Variants in LDAH observed in about 807,000 individuals in gnomAD.
LDAH encodes the protein lipid droplet-associated hydrolase.
A neutral mutation model predicts 29.6 loss-of-function variants in LDAH; 26 were observed. The observed-to-expected ratio is 0.88, with a 90% CI of 0.64 to 1.22. The LOEUF is 1.22. Among genes scored for constraint, LDAH ranks in the 50% most tolerant of loss-of-function variants. The probability of loss-of-function intolerance (pLI) is 0.00; values close to 1 mark genes in which losing one functional copy is unlikely to be tolerated. For synonymous variants in LDAH, 117 were observed against 133.0 expected, an observed-to-expected ratio of 0.88 and a Z score of 0.83; for missense variants, 344 against 387.3, an observed-to-expected ratio of 0.89 and a Z score of 0.94.
At chr2:20,779,171 C>T (rs1670014092) in intron 3 of LDAH, among the ~76,000 whole-genome samples, 1 of 152,116 alleles carries the variant, frequency 6.6e-6, no homozygotes, top group South Asian at 2.1e-4. Context: ...ATCTTAATAA[C>T]TAAACAACTT....
intron 3 of LDAH, among the ~76,000 whole-genome samples, chr2:20,788,103 T>C (rs1670684851): frequency 1.3e-5 from 2 of 152,216 alleles, no homozygotes; most frequent in Non-Finnish European, 2.9e-5. Context: ...TTTTCCATAC[T>C]AAATTGTTTA....
intron 3 of LDAH, among the ~76,000 whole-genome samples, chr2:20,776,699 A>G (rs1454743162): frequency 6.6e-6 from 1 of 152,134 alleles, no homozygotes; most frequent in Non-Finnish European, 1.5e-5. Context: ...CCACCTTTTT[A>G]TGCATGAAAT....
At chr2:20,808,446 G>A (rs544555897) in intron 1 of LDAH, among the ~76,000 whole-genome samples, 1 of 152,028 alleles carries the variant, frequency 6.6e-6, no homozygotes. Context: ...GGCGGATCAC[G>A]AGGTCAGAAG....
chr2:20,767,421 G>T (rs1003830401), intron 4 of LDAH, among the ~76,000 whole-genome samples: 4 of 152,236 alleles, frequency 2.6e-5, no homozygotes, highest in Non-Finnish European at 5.9e-5. Context: ...GCCCGGCTGG[G>T]TGTGCACACA....
intron 1 of LDAH, among the ~76,000 whole-genome samples, chr2:20,803,271 C>A (rs1489475970): frequency 6.6e-6 from 1 of 152,180 alleles, no homozygotes; most frequent in Non-Finnish European, 1.5e-5. Context: ...TCTCCAGCAT[C>A]TGGCTAGCGG....
intron 5 of LDAH, among the ~76,000 whole-genome samples, chr2:20,731,923 T>C (rs1252657296): frequency 1.3e-5 from 2 of 152,030 alleles, no homozygotes; most frequent in African/African-American, 4.8e-5. Flanking sequence ...TCCTTGGGAT[T>C]TTCTCTACAG....
intron 1 of LDAH, among the ~76,000 whole-genome samples, chr2:20,807,874 T>C (rs1211452798): frequency 6.6e-6 from 1 of 151,264 alleles, no homozygotes; most frequent in Non-Finnish European, 1.5e-5. Context: ...TATAAATATA[T>C]TTAGATTGGA....
At chr2:20,822,000 A>G (rs1673348475) in intron 1 of LDAH, among the ~76,000 whole-genome samples, 1 of 152,212 alleles carries the variant, frequency 6.6e-6, no homozygotes. Flanking sequence ...TAGTTTCAGA[A>G]AGAAGTTTAA....
intron 3 of LDAH, among the ~76,000 whole-genome samples, chr2:20,779,705 T>C (rs1670055249): frequency 6.6e-6 from 1 of 152,130 alleles, no homozygotes; most frequent in African/African-American, 2.4e-5. Context: ...TTTATGTAAA[T>C]ATGGCAATGT....
intron 4 of LDAH, among the ~76,000 whole-genome samples, chr2:20,755,378 T>A (rs1169487805): frequency 6.6e-6 from 1 of 152,238 alleles, no homozygotes; most frequent in Non-Finnish European, 1.5e-5. Context: ...CTTGCTCCAC[T>A]CTTTATATCA....
chr2:20,701,869 T>C (rs563761524), intron 5 of LDAH, among the ~76,000 whole-genome samples: 1 of 152,342 alleles, frequency 6.6e-6, no homozygotes, highest in Admixed American at 6.5e-5. Context: ...TCCAACCTCA[T>C]CTGGCTTCTC....
chr2:20,822,202 G>A (rs777507992), intron 1 of LDAH, among the ~76,000 whole-genome samples: 3 of 151,618 alleles, frequency 2.0e-5, no homozygotes, highest in Middle Eastern at 3.2e-3. Context: ...TCGGCTCACT[G>A]CAAGCTCCAC....
intron 5 of LDAH, among the ~76,000 whole-genome samples, chr2:20,733,905 T>C (rs1204667212): frequency 6.6e-6 from 1 of 152,212 alleles, no homozygotes; most frequent in African/African-American, 2.4e-5. Context: ...TTTAGAAGTG[T>C]GCGGTTTACT....
At chr2:20,723,200 G>A (rs1455480644) in intron 5 of LDAH, among the ~76,000 whole-genome samples, 3 of 152,200 alleles carry the variant, frequency 2.0e-5, no homozygotes, top group Non-Finnish European at 4.4e-5. Context: ...AACATACAAT[G>A]TTGACTGAGA....
At chr2:20,703,121 C>G (rs767528943) in intron 5 of LDAH, among the ~76,000 whole-genome samples, 2 of 152,240 alleles carry the variant, frequency 1.3e-5, no homozygotes, top group Non-Finnish European at 2.9e-5. Flanking sequence ...CCACCGCACC[C>G]AGCTCCCAGA....
intron 6 of LDAH, among the ~76,000 whole-genome samples, chr2:20,699,833 G>T (rs1663785596): frequency 6.6e-6 from 1 of 152,136 alleles, no homozygotes; most frequent in Non-Finnish European, 1.5e-5. Flanking sequence ...CCCTCTATCT[G>T]GGAATGATTA....
chr2:20,768,860 G>A (rs779978139), intron 4 of LDAH, among the ~76,000 whole-genome samples: 20 of 152,082 alleles, frequency 1.3e-4, no homozygotes, highest in Non-Finnish European at 2.2e-4. Context: ...CTGTCACCTG[G>A]ATCTTCACTT....
intron 2 of LDAH, among the ~76,000 whole-genome samples, chr2:20,790,713 G>GT (rs979819254): frequency 2.6e-5 from 4 of 152,168 alleles, no homozygotes; most frequent in African/African-American, 9.7e-5. Flanking sequence ...CCAAAATAGT[G>GT]TAAGAAGCAT....
intron 5 of LDAH, among the ~76,000 whole-genome samples, chr2:20,718,112 G>T (rs1281295257): frequency 6.6e-6 from 1 of 151,952 alleles, no homozygotes; most frequent in Non-Finnish European, 1.5e-5. Context: ...AGGAAGACAG[G>T]GTTACAAAAC....
Sources: gnomAD v4.1 joint callset for allele counts (sites outside exome capture counted in the v4.1 genomes callset) on GRCh38, gnomAD v4.1.1 for gene constraint, MANE v1.5 for transcripts, NCBI Gene and HGNC (gene_info 2026-07-23, HGNC 2026-07-21) for gene names.